Variants in CYFIP1 observed in about 807,000 individuals in gnomAD.
CYFIP1 encodes the protein cytoplasmic FMR1-interacting protein 1.
Under a neutral mutation model 163.5 loss-of-function variants are expected in CYFIP1, and 58 were observed. The ratio of observed to expected loss-of-function variants is 0.35; its 90% CI spans 0.29 to 0.44. The LOEUF (loss-of-function observed/expected upper bound fraction) is 0.44, where lower values mean the gene tolerates loss of function less well. Among genes scored for constraint, CYFIP1 ranks in the 20% least tolerant of loss-of-function variants. The pLI is 1.00. For missense variants in CYFIP1, 1,338 were observed against 1,653.8 expected (o/e 0.81, Z 3.31); for synonymous variants, 663 against 660.7 (o/e 1.00, Z -0.05).
At position 22,926,005 on chromosome 15, in the gene CYFIP1, C is replaced by T. The variant is rs767686408; in HGVS notation, c.1336G>A (p.Glu446Lys). Residue 446 changes from glutamate to lysine, a missense_variant, in exon 13 of 31, where the codon GAG becomes AAG. This residue lies in a region of CYFIP1 where 824 missense variants were observed against 995.7 expected (regional missense o/e 0.83). Transcript: ENST00000617928. ...ACCTCCACTAGGGCAAACTTCTCCT[C>T]GCTGGTGTAGTTGTAGCGCGTGGCA... ...ERATRYNYTS[E>K]EKFALVEVIA... The T allele has an allele frequency of 1.4e-5, 22 of 1,613,782 alleles. No homozygotes were observed. Among genetic ancestry groups the T allele is most frequent in the African/African-American group, 4.0e-5 (3 of 74,892 alleles).
At position 22,918,768 on chromosome 15, in the gene CYFIP1, G is replaced by A. The variant is rs752028016; in HGVS notation, c.1450C>T (p.Leu484=). The A allele has an allele frequency of 6.2e-7, 1 of 1,613,710 alleles. No individual in the cohort carries two copies. Among genetic ancestry groups the A allele is most frequent in the South Asian group, 1.1e-5 (1 of 91,068 alleles). Residue 484 remains leucine, a synonymous_variant, in exon 14 of 31, where the codon CTG becomes TTG. Coordinates refer to ENST00000617928, the MANE Select transcript of CYFIP1 (RefSeq NM_014608.6). The part of the protein sequence containing the change: ...HAIRHTVYAA[L]QDFSQVTLRE... ...AGGGTCACCTGGGAGAAGTCCTGCA[G>A]TGCGGCATAGACGGTGTGCCGGATG...
intron 21 of CYFIP1, among the ~76,000 whole-genome samples, chr15:22,908,199 A>G (rs1311106698): frequency 6.6e-6 from 1 of 152,160 alleles, no homozygotes; most frequent in African/African-American, 2.4e-5. Flanking sequence ...GAAGACTCAC[A>G]CTGCAAATTT....
intron 27 of CYFIP1, 123 bp downstream of exon 27, chr15:22,875,076 G>T: frequency 1.2e-6 from 1 of 820,140 alleles, no homozygotes; most frequent in South Asian, 1.4e-5. Context: ...ATTACCCCTG[G>T]GTATGACTGA....
At chr15:22,931,746 T>C (rs1017941078) in intron 11 of CYFIP1, among the ~76,000 whole-genome samples, 2 of 137,574 alleles carry the variant, frequency 1.5e-5, no homozygotes, top group Non-Finnish European at 3.0e-5. Context: ...AACACTAGTT[T>C]CACTGCCTTG....
At chr15:22,907,560 T>C (rs746258320) in intron 21 of CYFIP1, among the ~76,000 whole-genome samples, 11 of 152,206 alleles carry the variant, frequency 7.2e-5, no homozygotes, top group Admixed American at 2.0e-4. Flanking sequence ...AAGGACCTTG[T>C]GCATTTTGTT....
rs1272676283 is a variant in CYFIP1 at position 22,869,373 on chromosome 15, C to G, written c.*655G>C. The G allele has an allele frequency of 6.6e-6, 1 of 152,176 alleles. No homozygotes were observed. The highest frequency in any genetic ancestry group is 2.1e-4 in the South Asian group (1 of 4,828). 9.4% of individuals were successfully genotyped at this position (152,176 alleles called of 1,614,324 possible). On this transcript the variant is annotated 3_prime_UTR_variant, in exon 31 of 31. Transcript: ENST00000617928. ...CATCCCACCTCAGCCTTAGAGGTGA[C>G]CTCCATCCCAGCTGGCCTGGTATGT... is the stretch of plus-strand genomic sequence containing the variant.
chr15:22,922,535 C>T (rs559448428), intron 13 of CYFIP1, among the ~76,000 whole-genome samples: 2 of 152,332 alleles, frequency 1.3e-5, no homozygotes, highest in Admixed American at 6.5e-5. Context: ...TCATAACCTT[C>T]AGTGCAACAA....
intron 22 of CYFIP1, among the ~76,000 whole-genome samples, chr15:22,902,428 T>A (rs1396354322): frequency 6.6e-6 from 1 of 152,258 alleles, no homozygotes; most frequent in Non-Finnish European, 1.5e-5. Context: ...TGCCTCACTT[T>A]AGAGGACAAA....
chr15:22,904,200 C>T, intron 21 of CYFIP1: 1 of 481,706 alleles, frequency 2.1e-6, no homozygotes, highest in Non-Finnish European at 3.8e-6. Context: ...GCCACCCTTC[C>T]CCCCATGTGC....
intron 23 of CYFIP1, among the ~76,000 whole-genome samples, chr15:22,883,676 G>A (rs374185776): frequency 1.3e-5 from 2 of 151,910 alleles, no homozygotes; most frequent in Non-Finnish European, 2.9e-5. Context: ...AATTAGCCGG[G>A]CGTGGTGGCA....
intron 17 of CYFIP1, among the ~76,000 whole-genome samples, chr15:22,913,563 A>T (rs1409082983): frequency 2.0e-5 from 3 of 149,066 alleles, no homozygotes; most frequent in African/African-American, 7.4e-5. Context: ...AAAGAAAGAA[A>T]AAAAAGAAAA....
At chr15:22,913,216 A>C (rs1339064697) in intron 17 of CYFIP1, among the ~76,000 whole-genome samples, 1 of 150,094 alleles carries the variant, frequency 6.7e-6, no homozygotes, top group Non-Finnish European at 1.5e-5. Flanking sequence ...AAAAAAAAAA[A>C]GAATGAACTG....
At chr15:22,871,151 C>T (rs1231824475) in intron 30 of CYFIP1, among the ~76,000 whole-genome samples, 2 of 152,146 alleles carry the variant, frequency 1.3e-5, no homozygotes, top group African/African-American at 4.8e-5. Context: ...TACAAATGCA[C>T]ATCTTGGGGG....
In CYFIP1 at chr15:22,868,562, T is replaced by TATTA. The variant is rs567877482; in HGVS notation, c.*1462_*1465dup. On this transcript the variant is annotated 3_prime_UTR_variant, in exon 31 of 31. Coordinates refer to ENST00000617928, the MANE Select transcript of CYFIP1 (RefSeq NM_014608.6). The stretch of plus-strand genomic sequence containing the variant: ...TGCAGCAGAATGCTGGCCCCAGGGT[T>TATTA]ATTAATTCACATTACCAAAAGCATT... 5.7e-4 allele frequency: 86 copies of TATTA among 152,192 alleles called. No homozygotes were observed. The highest frequency in any genetic ancestry group is 1.9e-3 in the African/African-American group (80 of 41,454). 9.4% of individuals were successfully genotyped at this position (152,192 alleles called of 1,614,324 possible).
intron 12 of CYFIP1, among the ~76,000 whole-genome samples, chr15:22,926,657 C>T (rs76448964): frequency 0.022 from 3,291 of 152,160 alleles, 129 homozygotes; most frequent in African/African-American, 0.075. Context: ...TTATATGGCA[C>T]CAGAAATAAT....
chr15:22,952,149 G>A (rs1170607133), intron 1 of CYFIP1, among the ~76,000 whole-genome samples: 5 of 152,108 alleles, frequency 3.3e-5, no homozygotes, highest in Admixed American at 6.6e-5. Flanking sequence ...AAAAAACGCC[G>A]CATGATTCCA....
At chr15:22,915,037 T>G in intron 16 of CYFIP1, 155 bp from the exon 17 acceptor site, 1 of 670,700 alleles carries the variant, frequency 1.5e-6, no homozygotes, top group Non-Finnish European at 2.4e-6. Context: ...CACCGGGGCC[T>G]TGCACTAGGG....
At chr15:22,883,673 C>T (rs988886908) in intron 23 of CYFIP1, among the ~76,000 whole-genome samples, 15 of 151,792 alleles carry the variant, frequency 9.9e-5, no homozygotes, top group Admixed American at 5.3e-4. Context: ...AAAAATTAGC[C>T]GGGCGTGGTG....
Position 22,909,400 on chromosome 15 carries a change from G to C in CYFIP1, c.2269-87C>G, listed in dbSNP as rs1595572046. ...ACGCCTCACCAGAGACCCTGGAGAA[G>C]CTGGTCTGTCAATAACGACACCCTT... On this transcript the variant is annotated intron_variant, in intron 20 of 30. Coordinates refer to ENST00000617928, the MANE Select transcript of CYFIP1 (RefSeq NM_014608.6). 7 of 1,553,024 alleles carry C rather than the reference G, an allele frequency of 4.5e-6. No individual in the cohort carries two copies. In the East Asian group the frequency reaches 1.6e-4, roughly 35 times the overall value.
Sources: allele counts gnomAD v4.1 joint callset (sites outside exome capture counted in the v4.1 genomes callset), GRCh38; gene constraint gnomAD v4.1.1; regional missense constraint gnomAD v4.1.1; transcripts MANE v1.5; gene names NCBI Gene and HGNC (gene_info 2026-07-23, HGNC 2026-07-21).